The following ANXA8 variants were observed in gnomAD, a reference collection of about 807,000 sequenced individuals.
ANXA8 encodes the protein VAC-beta.
Under a neutral mutation model 26.8 loss-of-function variants are expected in ANXA8, and 9 were observed. That is an observed-to-expected ratio of 0.34 (90% CI 0.20 to 0.59). The LOEUF (loss-of-function observed/expected upper bound fraction) is 0.59, where lower values mean the gene tolerates loss of function less well. ANXA8 is among the 20% of genes least tolerant of loss of function. The pLI, the probability that ANXA8 is intolerant of heterozygous loss-of-function variation, is 0.84. For missense variants in ANXA8, 83 were observed against 238.5 expected, an observed-to-expected ratio of 0.35 and a Z score of 4.29; for synonymous variants, 39 against 94.8, an observed-to-expected ratio of 0.41 and a Z score of 3.42.
chr10:47,554,443 C>T, the ANXA8 span, among the ~76,000 whole-genome samples: 11 of 151,180 alleles, frequency 7.3e-5, no homozygotes, highest in Admixed American at 4.6e-4. Context: ...GGGGCTTTCC[C>T]TGAGGGAAGG....
chr10:47,488,583 A>C (rs1840086587), upstream of ANXA8, among the ~76,000 whole-genome samples: 1 of 150,972 alleles, frequency 6.6e-6, no homozygotes, highest in Non-Finnish European at 1.5e-5. Context: ...ATTTATGTAA[A>C]TGTAAGTCCT....
chr10:47,502,222 T>G, the ANXA8 span: 8 of 1,570,830 alleles, frequency 5.1e-6, 1 homozygote, highest in Non-Finnish European at 6.9e-6. Context: ...CAGGACCACA[T>G]TCCCCTTGCG....
At chr10:47,951,147 TG>T in the ANXA8 span, among the ~76,000 whole-genome samples, 1 of 149,132 alleles carries the variant, frequency 6.7e-6, no homozygotes, top group Non-Finnish European at 1.5e-5. Flanking sequence ...AGAAATAATA[TG>T]GGGATATTAT....
the ANXA8 span, among the ~76,000 whole-genome samples, chr10:47,740,377 G>A: frequency 2.1e-5 from 3 of 143,882 alleles, no homozygotes; most frequent in Non-Finnish European, 3.0e-5. Context: ...GCATGAAAAC[G>A]TATAGTTAAA....
At chr10:47,706,803 A>C in the ANXA8 span, 2 of 952,936 alleles carry the variant, frequency 2.1e-6, no homozygotes, top group Non-Finnish European at 3.3e-6. Flanking sequence ...TTCTAGCTGA[A>C]GAAGCAAACT....
chr10:47,685,207 A>G, the ANXA8 span, among the ~76,000 whole-genome samples: 6 of 151,066 alleles, frequency 4.0e-5, no homozygotes, highest in Non-Finnish European at 7.4e-5. Flanking sequence ...TTAGCTGGGC[A>G]TGGTGGTGCA....
At chr10:47,763,762 G>C in the ANXA8 span, among the ~76,000 whole-genome samples, 22 of 142,430 alleles carry the variant, frequency 1.5e-4, no homozygotes, top group Non-Finnish European at 3.0e-4. Context: ...AGGAATGTGT[G>C]TATCTGTGGT....
chr10:47,975,141 C>G, the ANXA8 span, among the ~76,000 whole-genome samples: 1 of 148,564 alleles, frequency 6.7e-6, no homozygotes, highest in African/African-American at 2.4e-5. Flanking sequence ...TCAGCCTCAT[C>G]ATCTTATGAA....
chr10:47,732,808 G>A, the ANXA8 span, among the ~76,000 whole-genome samples: 7 of 142,844 alleles, frequency 4.9e-5, no homozygotes, highest in East Asian at 4.2e-4. Flanking sequence ...CCCTGCAGAC[G>A]TTCGCTGAAT....
chr10:47,722,444 C>A, the ANXA8 span, among the ~76,000 whole-genome samples: 3 of 137,052 alleles, frequency 2.2e-5, no homozygotes, highest in South Asian at 6.9e-4. Flanking sequence ...ACAATTAAGG[C>A]TCCTATTTAG....
the ANXA8 span, among the ~76,000 whole-genome samples, chr10:47,652,363 G>C: frequency 6.6e-6 from 1 of 151,760 alleles, no homozygotes; most frequent in Non-Finnish European, 1.5e-5. Context: ...TTGGGAGGCC[G>C]AGGCGAGTGG....
the ANXA8 span, among the ~76,000 whole-genome samples, chr10:47,726,639 G>T: frequency 6.6e-6 from 1 of 152,282 alleles, no homozygotes; most frequent in Non-Finnish European, 1.5e-5. Flanking sequence ...TAAATAAAAT[G>T]TAGTAATTTA....
the ANXA8 span, among the ~76,000 whole-genome samples, chr10:47,871,655 CT>C: frequency 1.1e-5 from 1 of 87,730 alleles, no homozygotes; most frequent in African/African-American, 3.9e-5. Context: ...GGCCATGATC[CT>C]GTGTGCCCTT....
the ANXA8 span, among the ~76,000 whole-genome samples, chr10:47,717,914 C>T: frequency 6.7e-6 from 1 of 149,444 alleles, no homozygotes; most frequent in Non-Finnish European, 1.5e-5. Context: ...AGGAAAATTG[C>T]TTGAACGCAG....
the ANXA8 span, among the ~76,000 whole-genome samples, chr10:47,756,747 G>A: frequency 6.6e-6 from 1 of 152,226 alleles, no homozygotes; most frequent in African/African-American, 2.4e-5. Flanking sequence ...CATGTGGGGT[G>A]AACCAAGGCC....
chr10:47,733,233 C>CTCTCTCTTTCTTTCTTTCTT, the ANXA8 span, among the ~76,000 whole-genome samples: 1 of 59,690 alleles, frequency 1.7e-5, no homozygotes, highest in Non-Finnish European at 3.5e-5. Flanking sequence ...CTTTCTTTCT[C>CTCTCTCTTTCTTTCTTTCTT]TCTTTCTTTC....
chr10:47,648,002 G>A, the ANXA8 span, among the ~76,000 whole-genome samples: 1 of 151,894 alleles, frequency 6.6e-6, no homozygotes, highest in Non-Finnish European at 1.5e-5. Context: ...TAAACTCAGA[G>A]TAAAAGCCTT....
chr10:47,670,368 G>A, the ANXA8 span, among the ~76,000 whole-genome samples: 1 of 151,884 alleles, frequency 6.6e-6, no homozygotes, highest in Non-Finnish European at 1.5e-5. Context: ...ATTCTTTTAG[G>A]TATATAGCTC....
the ANXA8 span, among the ~76,000 whole-genome samples, chr10:47,652,605 AG>A: frequency 2.0e-5 from 3 of 148,638 alleles, no homozygotes; most frequent in Admixed American, 6.6e-5. Flanking sequence ...GAAAAAAAAA[AG>A]ATAAATTATG....
Sources: allele counts gnomAD v4.1 joint callset (sites outside exome capture counted in the v4.1 genomes callset), GRCh38; gene constraint gnomAD v4.1.1; transcripts MANE v1.5; gene names NCBI Gene and HGNC (gene_info 2026-07-23, HGNC 2026-07-21).